Variants in TRIM44 observed in about 807,000 individuals in gnomAD.
TRIM44 encodes the protein tripartite motif containing 44.
In TRIM44, 13 loss-of-function variants were observed where a neutral mutation model predicts 37.4. The ratio of observed to expected loss-of-function variants is 0.35; its 90% CI spans 0.23 to 0.55. TRIM44 has a LOEUF of 0.55. Ranked by LOEUF, TRIM44 falls within the 20% of genes least tolerant of loss-of-function variation. The pLI is 0.89. For synonymous variants in TRIM44, 175 were observed against 157.2 expected, an observed-to-expected ratio of 1.11 and a Z score of -0.85; for missense variants, 426 against 437.2, an observed-to-expected ratio of 0.97 and a Z score of 0.23.
At chr11:35,753,308 C>T (rs1360380982) in intron 4 of TRIM44, among the ~76,000 whole-genome samples, 1 of 152,074 alleles carries the variant, frequency 6.6e-6, no homozygotes, top group African/African-American at 2.4e-5. Context: ...GCCTAATACC[C>T]CTGTAAGACA....
intron 4 of TRIM44, among the ~76,000 whole-genome samples, chr11:35,804,928 T>A (rs1853428421): frequency 6.6e-6 from 1 of 152,194 alleles, no homozygotes; most frequent in Non-Finnish European, 1.5e-5. Flanking sequence ...CTAGGATATT[T>A]TCCCTTAAAG....
chr11:35,695,512 G>T (rs1851686176), intron 2 of TRIM44, among the ~76,000 whole-genome samples: 1 of 152,028 alleles, frequency 6.6e-6, no homozygotes, highest in African/African-American at 2.4e-5. Context: ...GAAGTTCCAG[G>T]AATTCTTACC....
At chr11:35,666,850 G>C (rs1277559833) in intron 1 of TRIM44, among the ~76,000 whole-genome samples, 1 of 152,168 alleles carries the variant, frequency 6.6e-6, no homozygotes, top group Non-Finnish European at 1.5e-5. Flanking sequence ...TGATCTATCT[G>C]CTGAATTATC....
intron 2 of TRIM44, among the ~76,000 whole-genome samples, chr11:35,704,487 C>A (rs564971956): frequency 1.4e-4 from 21 of 152,012 alleles, no homozygotes; most frequent in African/African-American, 4.3e-4. Flanking sequence ...AAATGAAGGA[C>A]AAAATGTTAA....
chr11:35,718,992 C>G (rs1266636454), intron 2 of TRIM44, among the ~76,000 whole-genome samples: 1 of 151,724 alleles, frequency 6.6e-6, no homozygotes, highest in East Asian at 1.9e-4. Flanking sequence ...TACCAAAGAA[C>G]ATCTTGGCTG....
chr11:35,674,903 A>G (rs972475491), intron 1 of TRIM44, among the ~76,000 whole-genome samples: 3 of 152,238 alleles, frequency 2.0e-5, no homozygotes, highest in African/African-American at 7.2e-5. Flanking sequence ...GCATGGAGCC[A>G]GGAATAGATT....
At chr11:35,669,692 T>A in intron 1 of TRIM44, among the ~76,000 whole-genome samples, 1 of 152,120 alleles carries the variant, frequency 6.6e-6, no homozygotes, top group East Asian at 1.9e-4. Flanking sequence ...TTGGCCAGAT[T>A]GGTCTTGAAC....
At chr11:35,680,404 T>G (rs1412518055) in intron 1 of TRIM44, among the ~76,000 whole-genome samples, 1 of 152,188 alleles carries the variant, frequency 6.6e-6, no homozygotes, top group Non-Finnish European at 1.5e-5. Context: ...AAAGTAATAA[T>G]TTTTTAAAAA....
intron 4 of TRIM44, among the ~76,000 whole-genome samples, chr11:35,776,777 C>T (rs1347667384): frequency 2.0e-5 from 3 of 152,224 alleles, no homozygotes; most frequent in African/African-American, 7.2e-5. Flanking sequence ...GAGTGAGTTT[C>T]TTAATCCTGA....
chr11:35,782,538 A>C (rs758917388), intron 4 of TRIM44, among the ~76,000 whole-genome samples: 1 of 152,160 alleles, frequency 6.6e-6, no homozygotes, highest in Non-Finnish European at 1.5e-5. Context: ...TGTGTCTCTG[A>C]GATTCCCTGG....
chr11:35,766,149 T>C (rs1301492141), intron 4 of TRIM44, among the ~76,000 whole-genome samples: 2 of 152,214 alleles, frequency 1.3e-5, no homozygotes, highest in African/African-American at 4.8e-5. Flanking sequence ...CTTCTTCCTA[T>C]GTAATTTCAG....
intron 4 of TRIM44, among the ~76,000 whole-genome samples, chr11:35,740,297 C>G (rs1852379434): frequency 6.6e-6 from 1 of 151,868 alleles, no homozygotes; most frequent in South Asian, 2.1e-4. Context: ...AATATATATC[C>G]TAGGAGAGGG....
In TRIM44 at chr11:35,725,911, C is replaced by T. The variant is rs1328810833; in HGVS notation, c.748-13C>T. On this transcript the variant is annotated splice_polypyrimidine_tract_variant and intron_variant, in intron 2 of 4. Coordinates refer to ENST00000299413, the MANE Select transcript of TRIM44 (RefSeq NM_017583.6). ...TGTTCAACTTATTCTTCTTATTTGT[C>T]TCTGTTCTAAAGGTAACTCGGGACC... The T allele has an allele frequency of 3.7e-6, 6 of 1,611,686 alleles. No individual in the cohort carries two copies.
chr11:35,668,095 A>G (rs915913246), intron 1 of TRIM44, among the ~76,000 whole-genome samples: 3 of 152,208 alleles, frequency 2.0e-5, no homozygotes, highest in Non-Finnish European at 4.4e-5. Context: ...GAAGCCATCT[A>G]TTCCTGGAGA....
At chr11:35,735,518 T>C (rs1475643421) in intron 4 of TRIM44, 73 bp downstream of exon 4, 6 of 1,453,022 alleles carry the variant, frequency 4.1e-6, no homozygotes, top group Non-Finnish European at 5.8e-6. Context: ...TAGTGCTCCA[T>C]GAAATATAGA....
At position 35,806,546 on chromosome 11, in the gene TRIM44, G is replaced by T; in HGVS notation, c.*161G>T. On this transcript the variant is annotated 3_prime_UTR_variant, in exon 5 of 5. Coordinates refer to ENST00000299413, the MANE Select transcript of TRIM44 (RefSeq NM_017583.6). ...GCAGGCACATATCTCTCCAAGGGAT[G>T]ACCAGTTTTATGCTTACTGTGTGCT... 1.3e-6 allele frequency: 1 copy of T among 750,898 alleles called. No homozygotes were observed. The highest frequency in any genetic ancestry group is 1.7e-5 in the South Asian group (1 of 57,856). The allele number at this position is 750,898 out of a possible 1,614,324, so 46.5% of individuals were successfully genotyped here.
intron 2 of TRIM44, among the ~76,000 whole-genome samples, chr11:35,713,363 A>C (rs575097927): frequency 6.6e-6 from 1 of 152,324 alleles, no homozygotes; most frequent in East Asian, 1.9e-4. Flanking sequence ...CACGAGGCTA[A>C]AGATGCTAGT....
chr11:35,795,281 T>C (rs901391449), intron 4 of TRIM44, among the ~76,000 whole-genome samples: 1 of 152,174 alleles, frequency 6.6e-6, no homozygotes, highest in Non-Finnish European at 1.5e-5. Context: ...AATGGGGTAC[T>C]GATATAATCT....
rs536906204 is a variant in TRIM44 at position 35,686,091 on chromosome 11, C to T, written c.747+755C>T. ...CTGCCACTCAGAATACTTTTTTCCT[C>T]ATGACCTGAAGTCTGGTTTGGAAAC... On this transcript the variant is annotated intron_variant, in intron 2 of 4. Transcript: ENST00000299413. 9.9e-5 allele frequency among the ~76,000 whole-genome samples: 15 copies of T among 152,164 alleles called. No homozygotes were observed. The South Asian group carries it at 3.1e-3, about 32-fold the overall frequency.
Sources: gnomAD v4.1 joint callset for allele counts (sites outside exome capture counted in the v4.1 genomes callset) on GRCh38, gnomAD v4.1.1 for gene constraint, MANE v1.5 for transcripts, NCBI Gene and HGNC (gene_info 2026-07-23, HGNC 2026-07-21) for gene names.